Variants in TRPC4AP observed in about 807,000 individuals in gnomAD.
TRPC4AP encodes short transient receptor potential channel 4-associated protein.
Under a neutral mutation model 99.0 loss-of-function variants are expected in TRPC4AP, and 45 were observed. That is an observed-to-expected ratio of 0.45 (90% CI 0.36 to 0.58). The LOEUF (loss-of-function observed/expected upper bound fraction) is 0.58, where lower values mean the gene tolerates loss of function less well. TRPC4AP is among the 20% of genes least tolerant of loss of function. TRPC4AP has a pLI of 0.00. For missense variants in TRPC4AP, 879 were observed against 985.3 expected, an observed-to-expected ratio of 0.89 and a Z score of 1.44; for synonymous variants, 408 against 385.8, an observed-to-expected ratio of 1.06 and a Z score of -0.67.
intron 1 of TRPC4AP, among the ~76,000 whole-genome samples, chr20:35,080,565 A>C (rs897557762): frequency 6.6e-6 from 1 of 151,260 alleles, no homozygotes; most frequent in Admixed American, 6.6e-5. Context: ...AACCTAAAAG[A>C]AGCCAGTCTC....
At chr20:35,029,621 T>C (rs2083120298) in intron 8 of TRPC4AP, among the ~76,000 whole-genome samples, 1 of 142,184 alleles carries the variant, frequency 7.0e-6, no homozygotes, top group African/African-American at 2.6e-5. Context: ...ATTTCCCAAG[T>C]TACTTTCTTT....
chr20:35,044,821 A>G, intron 6 of TRPC4AP, 109 bp from the exon 7 acceptor site: 1 of 1,028,194 alleles, frequency 9.7e-7, no homozygotes, highest in Non-Finnish European at 1.4e-6. Context: ...TAGATCACTT[A>G]GGTTCCTATC....
In TRPC4AP at chr20:35,009,917, A is replaced by T. The variant is rs184306488; in HGVS notation, c.1511+270T>A. Among the ~76,000 whole-genome samples, 1,153 of 152,378 alleles carry T rather than the reference A, an allele frequency of 7.6e-3. 6 individuals are homozygous for T. Among genetic ancestry groups the T allele is most frequent in the Non-Finnish European group, 0.012 (792 of 68,036 alleles). ...AAGGCGGTGGGGCAGTGCGGAGCAC[A>T]CATGACTTCTGGCAGGTGACCTCTC... On this transcript the variant is annotated intron_variant, in intron 12 of 18. Transcript: ENST00000252015.
rs1189842671 is a variant in TRPC4AP, at chr20:35,086,569, GTGTGTGTATA to G, written c.168+6035_168+6044del. 1.9e-4 allele frequency among the ~76,000 whole-genome samples: 21 copies of G among 108,224 alleles called. 1 individual carries two copies. Among genetic ancestry groups the G allele is most frequent in the African/African-American group, 7.1e-4 (19 of 26,620 alleles). 71.0% of individuals were successfully genotyped at this position (108,224 alleles called of 152,430 possible). On this transcript the variant is annotated intron_variant, in intron 1 of 18. Coordinates refer to ENST00000252015, the MANE Select transcript of TRPC4AP (RefSeq NM_015638.3). ...TGTGTGTGTGTGTGTGTGTGTGTGT[GTGTGTGTATA>G]TATATATGAATAAGACTTTATCCTA... is the stretch of plus-strand genomic sequence containing the variant.
chr20:35,074,656 C>A (rs2084423855), intron 2 of TRPC4AP, among the ~76,000 whole-genome samples: 1 of 152,166 alleles, frequency 6.6e-6, no homozygotes, highest in South Asian at 2.1e-4. Context: ...AATTTCTGTT[C>A]TTTTACATTT....
At chr20:35,023,826 C>G (rs961856104) in intron 8 of TRPC4AP, among the ~76,000 whole-genome samples, 1 of 152,236 alleles carries the variant, frequency 6.6e-6, no homozygotes, top group African/African-American at 2.4e-5. Flanking sequence ...CACACAAGTC[C>G]TACTGAGAAA....
intron 3 of TRPC4AP, among the ~76,000 whole-genome samples, chr20:35,068,496 A>G (rs2084203305): frequency 6.6e-6 from 1 of 152,198 alleles, no homozygotes; most frequent in Non-Finnish European, 1.5e-5. Flanking sequence ...GGGCCTGGGT[A>G]AATAAATTAT....
At chr20:35,004,389 T>A (rs966259116) in intron 17 of TRPC4AP, 69 bp downstream of exon 17, 2 of 1,383,836 alleles carry the variant, frequency 1.4e-6, no homozygotes. Flanking sequence ...AGAAACCTGC[T>A]GGGCACCAGG....
In TRPC4AP at chr20:35,003,194, G is replaced by A. The variant is rs187807496; in HGVS notation, c.2346C>T (p.Tyr782=). The A allele has an allele frequency of 1.2e-6, 2 of 1,614,224 alleles. No homozygotes were observed. Among genetic ancestry groups the A allele is most frequent in the Non-Finnish European group, 1.7e-6 (2 of 1,180,032 alleles). The change falls in exon 19 of 19, where the codon TAC becomes TAT. Residue 782 remains tyrosine, a synonymous_variant. Transcript: ENST00000252015. ...DRQSPSALVS[Y]IEEPYMDIDR... ...CTATGTCCATGTAGGGCTCCTCAAT[G>A]TAGCTAACGAGAGCAGAGGGTGACT...
chr20:35,016,107 G>T lies in TRPC4AP; in HGVS notation c.1251C>A (p.Ile417=), dbSNP rs1380750821. 1 of 1,614,048 alleles carries T rather than the reference G, an allele frequency of 6.2e-7. No individual in the cohort carries two copies. The highest frequency in any genetic ancestry group is 1.3e-5 in the African/African-American group (1 of 74,916). Residue 417 remains isoleucine (I), a synonymous_variant, in exon 10 of 19, where the codon ATC becomes ATA. Transcript: ENST00000252015. ...VHRMIAEFKL[I]PGLNNLFDKL... ...TGTCAAACAAATTATTAAGTCCAGG[G>T]ATCAGCTTGAACTCTGCAATCATTC...
chr20:35,073,445 A>G (rs1031170826), intron 2 of TRPC4AP, among the ~76,000 whole-genome samples: 1 of 152,190 alleles, frequency 6.6e-6, no homozygotes, highest in Admixed American at 6.5e-5. Context: ...ATTTTAAGAT[A>G]CGTCCCATCA....
At position 35,055,010 on chromosome 20, in the gene TRPC4AP, T is replaced by C. The variant is rs570479521; in HGVS notation, c.494A>G (p.Asp165Gly). Residue 165 changes from aspartate to glycine, a missense_variant, in exon 5 of 19, where the codon GAC (aspartate) becomes GGC (glycine). Physicochemically the swap from Asp to Gly is moderately conservative, Grantham distance 94. This residue lies in a region of TRPC4AP where 603 missense variants were observed against 631.8 expected (regional missense o/e 0.95). Coordinates refer to ENST00000252015, the MANE Select transcript of TRPC4AP (RefSeq NM_015638.3). ...KLKISDEMSK[D>G]CLSILYNTCV... ...GGTATTATACAGGATACTCAAGCAGTCCTTGGACATTTCATCACTTACTGA... is the reference window on the plus strand; with the variant it reads ...GGTATTATACAGGATACTCAAGCAGCCCTTGGACATTTCATCACTTACTGA... 2.5e-6 allele frequency: 4 copies of C among 1,613,810 alleles called. No individual in the cohort carries two copies. The East Asian group carries it at 8.9e-5, about 36-fold the overall frequency.
At chr20:35,020,980 G>A (rs189817318) in intron 9 of TRPC4AP, among the ~76,000 whole-genome samples, 19 of 152,258 alleles carry the variant, frequency 1.2e-4, no homozygotes, top group Non-Finnish European at 2.1e-4. Context: ...GCCTAGAAAC[G>A]CTCCATACAG....
chr20:35,068,120 G>A (rs1016399801), intron 3 of TRPC4AP, among the ~76,000 whole-genome samples: 1 of 152,144 alleles, frequency 6.6e-6, no homozygotes, highest in African/African-American at 2.4e-5. Context: ...GGGGGCTTCT[G>A]GGTACTGGTA....
intron 5 of TRPC4AP, among the ~76,000 whole-genome samples, chr20:35,053,912 T>C (rs1419412232): frequency 6.6e-6 from 1 of 152,208 alleles, no homozygotes; most frequent in Non-Finnish European, 1.5e-5. Flanking sequence ...CACAGCACTA[T>C]TATAGATGCT....
Position 35,009,112 on chromosome 20 carries a change from G to A in TRPC4AP, c.1512-365C>T, listed in dbSNP as rs192736968. On this transcript the variant is annotated intron_variant, in intron 12 of 18. Coordinates refer to ENST00000252015, the MANE Select transcript of TRPC4AP (RefSeq NM_015638.3). Reference sequence around the variant, plus strand: ...AATAGGGTGAGGCCCAGCGTACTCCGTGCCTGAGGTTCACTTCCAGCTGGC... The same window carrying A: ...AATAGGGTGAGGCCCAGCGTACTCCATGCCTGAGGTTCACTTCCAGCTGGC... Among the ~76,000 whole-genome samples, 250 of 152,298 alleles carry A rather than the reference G, an allele frequency of 1.6e-3. 3 individuals are homozygous for A. The highest frequency in any genetic ancestry group is 0.01 in the Admixed American group (154 of 15,290).
rs1256974718 is a variant in TRPC4AP at position 35,086,531 on chromosome 20, G to GTATATATATATA, written c.168+6082_168+6083insTATATATATATA. On this transcript the variant is annotated intron_variant, in intron 1 of 18. Coordinates refer to ENST00000252015, the MANE Select transcript of TRPC4AP (RefSeq NM_015638.3). ...TATGTGTGTGTGTGTATATATGTGT[G>GTATATATATATA]TGTGTGTGTGTGTGTGTGTGTGTGT... Among the ~76,000 whole-genome samples, 16 of 28,514 alleles carry GTATATATATATA rather than the reference G, an allele frequency of 5.6e-4. 3 individuals are homozygous for GTATATATATATA. The highest frequency in any genetic ancestry group is 3.7e-3 in the African/African-American group (13 of 3,474). The allele number at this position is 28,514 out of a possible 152,430, so 18.7% of individuals were successfully genotyped here. A position where few individuals can be genotyped will look rare whatever the true frequency, so the allele number is the denominator to read the frequency against.
intron 11 of TRPC4AP, among the ~76,000 whole-genome samples, chr20:35,012,025 C>T (rs1165753372): frequency 1.3e-5 from 2 of 152,254 alleles, no homozygotes; most frequent in African/African-American, 2.4e-5. Context: ...TTGCATTCAT[C>T]CTGATATCCC....
intron 10 of TRPC4AP, among the ~76,000 whole-genome samples, chr20:35,015,092 C>T (rs574955043): frequency 2.6e-5 from 4 of 152,196 alleles, no homozygotes; most frequent in African/African-American, 9.6e-5. Flanking sequence ...CTCTACCTCC[C>T]GGGTTCAAGT....
Sources: gnomAD v4.1 joint callset for allele counts (sites outside exome capture counted in the v4.1 genomes callset) on GRCh38, gnomAD v4.1.1 for gene constraint, gnomAD v4.1.1 regional missense constraint, MANE v1.5 for transcripts, NCBI Gene and HGNC (gene_info 2026-07-23, HGNC 2026-07-21) for gene names.